The following PTPN4 variants were observed in gnomAD, a reference collection of about 807,000 sequenced individuals.
PTPN4 encodes protein tyrosine phosphatase non-receptor type 4.
PTPN4 carries 49 observed loss-of-function variants against 135.5 expected under a neutral mutation model. That is an observed-to-expected ratio of 0.36 (90% CI 0.29 to 0.46). The LOEUF (loss-of-function observed/expected upper bound fraction) is 0.46. Ranked by LOEUF, PTPN4 falls within the 20% of genes least tolerant of loss-of-function variation. The pLI is 1.00. For synonymous variants in PTPN4, 333 were observed against 369.9 expected, an observed-to-expected ratio of 0.90 and a Z score of 1.14; for missense variants, 860 against 1,101.0, an observed-to-expected ratio of 0.78 and a Z score of 3.10.
chr2:119,846,652 T>TTTAC (rs574255609), intron 2 of PTPN4, among the ~76,000 whole-genome samples: 7 of 152,048 alleles, frequency 4.6e-5, no homozygotes, highest in Non-Finnish European at 1.0e-4. Context: ...TTTGTACTAT[T>TTTAC]TTACTTTTTG....
intron 9 of PTPN4, among the ~76,000 whole-genome samples, chr2:119,890,022 G>A (rs1188246437): frequency 2.0e-5 from 3 of 152,136 alleles, no homozygotes; most frequent in South Asian, 2.1e-4. Flanking sequence ...GTAAGTGTCT[G>A]TTTGGTCCAT....
chr2:119,847,865 T>A (rs1422096310), intron 2 of PTPN4, among the ~76,000 whole-genome samples: 5 of 152,356 alleles, frequency 3.3e-5, no homozygotes, highest in African/African-American at 9.6e-5. Context: ...TTGGTTAGTG[T>A]TTTTGCCTCT....
chr2:119,896,789 G>A (rs375866673), intron 9 of PTPN4, among the ~76,000 whole-genome samples: 2 of 152,098 alleles, frequency 1.3e-5, no homozygotes, highest in African/African-American at 4.8e-5. Flanking sequence ...TATTTACCTG[G>A]TTTTCAAGGT....
chr2:119,900,694 T>C (rs1678388945), intron 9 of PTPN4, 24 bp from the exon 10 acceptor site: 1 of 1,383,422 alleles, frequency 7.2e-7, no homozygotes, highest in African/African-American at 1.5e-5. Context: ...AGATTTATCA[T>C]GTTTTTATTC....
chr2:119,795,266 GC>G (rs1293623434), intron 1 of PTPN4, among the ~76,000 whole-genome samples: 1 of 152,180 alleles, frequency 6.6e-6, no homozygotes, highest in Non-Finnish European at 1.5e-5. Flanking sequence ...CAGCAGCCCA[GC>G]CCCCAGGCTT....
At position 119,762,565 on chromosome 2, in the gene PTPN4, C is replaced by G. The variant is rs139717666; in HGVS notation, c.-18+2181C>G. On this transcript the variant is annotated intron_variant, in intron 1 of 26. Coordinates refer to ENST00000263708, the MANE Select transcript of PTPN4 (RefSeq NM_002830.4). ...AAAGTAAGAGACTAGCAGAAAATTG[C>G]AAGGAGGTTTGTTATTGAGAGTACT... Among the ~76,000 whole-genome samples the G allele has an allele frequency of 2.5e-3, 385 of 152,062 alleles. 2 individuals are homozygous for G. Among genetic ancestry groups the G allele is most frequent in the Middle Eastern group, 0.01 (3 of 294 alleles).
In PTPN4 at chr2:119,878,817, G is replaced by GGC. The variant is rs1322608458; in HGVS notation, c.368+1276_368+1277insCG. Among the ~76,000 whole-genome samples, 148 of 151,796 alleles carry GGC rather than the reference G, an allele frequency of 9.7e-4. 2 individuals carry two copies. Among genetic ancestry groups the GGC allele is most frequent in the African/African-American group, 3.4e-3 (139 of 41,414 alleles). Reference sequence around the variant, plus strand: ...CTCTTGAAAAACTAAGTTGTGGCCGGGTGCAGTGGCTCACGCCTGTAATCC... The same window carrying GGC: ...CTCTTGAAAAACTAAGTTGTGGCCGGGCGTGCAGTGGCTCACGCCTGTAATCC... On this transcript the variant is annotated intron_variant, in intron 5 of 26. Transcript: ENST00000263708.
rs181943283 is a variant in PTPN4, at chr2:119,801,762, G to T, written c.-17-8075G>T. Among the ~76,000 whole-genome samples, 385 of 152,220 alleles carry T rather than the reference G, an allele frequency of 2.5e-3. 1 individual carries two copies. The highest frequency in any genetic ancestry group is 9.0e-3 in the African/African-American group (376 of 41,554). ...TGTTGATGTATTGGGTGACCTCGCTGAACTTACTTATTAGTTCTAGGAGTG... is the reference window on the plus strand; with the variant it reads ...TGTTGATGTATTGGGTGACCTCGCTTAACTTACTTATTAGTTCTAGGAGTG... On this transcript the variant is annotated intron_variant, in intron 1 of 26. Coordinates refer to ENST00000263708, the MANE Select transcript of PTPN4 (RefSeq NM_002830.4).
At chr2:119,760,486 A>C in intron 1 of PTPN4, 102 bp downstream of exon 1, 1 of 388,922 alleles carries the variant, frequency 2.6e-6, no homozygotes, top group Non-Finnish European at 4.5e-6. Flanking sequence ...AGGTGGGGCA[A>C]GCCGGAGGTA....
chr2:119,914,756 T>C (rs1678626629), intron 10 of PTPN4, among the ~76,000 whole-genome samples: 1 of 152,150 alleles, frequency 6.6e-6, no homozygotes, highest in Non-Finnish European at 1.5e-5. Context: ...CTTATGGCAT[T>C]ATGTGGGTTG....
chr2:119,796,047 G>A (rs1172248645), intron 1 of PTPN4, among the ~76,000 whole-genome samples: 1 of 152,216 alleles, frequency 6.6e-6, no homozygotes, highest in Non-Finnish European at 1.5e-5. Flanking sequence ...GAGCATGATT[G>A]CCGAGGCTTC....
chr2:119,826,370 G>C lies in PTPN4; in HGVS notation c.138+16379G>C, dbSNP rs78001083. Among the ~76,000 whole-genome samples, 291 of 152,294 alleles carry C rather than the reference G, an allele frequency of 1.9e-3. 5 individuals carry two copies. In the East Asian group the frequency reaches 0.045, roughly 24 times the overall value. On this transcript the variant is annotated intron_variant, in intron 2 of 26. Transcript: ENST00000263708. The stretch of plus-strand genomic sequence containing the variant: ...TGAATGAGAAAATAATCTGTACAAG[G>C]ATAGTGTTTAGCAAGAGCTTTTGAG...
At chr2:119,899,265 C>CTA (rs1678369280) in intron 9 of PTPN4, among the ~76,000 whole-genome samples, 1 of 152,194 alleles carries the variant, frequency 6.6e-6, no homozygotes, top group African/African-American at 2.4e-5. Context: ...GATTATGGGA[C>CTA]TGTTCGGAGT....
In PTPN4 at chr2:119,948,601, G is replaced by A. The variant is rs563742638; in HGVS notation, c.1656+2027G>A. On this transcript the variant is annotated intron_variant, in intron 18 of 26. Coordinates refer to ENST00000263708, the MANE Select transcript of PTPN4 (RefSeq NM_002830.4). ...TAAAGTGGAAAAATAATCAAATGTG[G>A]ACTAGGGAACAAAGAAATACAAGGA... Among the ~76,000 whole-genome samples, 155 of 152,168 alleles carry A rather than the reference G, an allele frequency of 1.0e-3. 1 individual carries two copies. Among genetic ancestry groups the A allele is most frequent in the African/African-American group, 3.6e-3 (151 of 41,528 alleles).
At chr2:119,850,699 G>A (rs1274482978) in intron 2 of PTPN4, among the ~76,000 whole-genome samples, 1 of 152,134 alleles carries the variant, frequency 6.6e-6, no homozygotes, top group Non-Finnish European at 1.5e-5. Flanking sequence ...AATAAATGCT[G>A]TTTTCTTTGT....
chr2:119,766,887 T>C (rs1690640216), intron 1 of PTPN4, among the ~76,000 whole-genome samples: 2 of 152,164 alleles, frequency 1.3e-5, no homozygotes, highest in Non-Finnish European at 2.9e-5. Context: ...GGATTTCTTC[T>C]TTGGCAGCTT....
chr2:119,845,976 T>C (rs1677493013), intron 2 of PTPN4, among the ~76,000 whole-genome samples: 1 of 152,240 alleles, frequency 6.6e-6, no homozygotes, highest in Admixed American at 6.5e-5. Context: ...CTATTTAATA[T>C]CGACATATTT....
chr2:119,846,732 T>C (rs1177015497), intron 2 of PTPN4, among the ~76,000 whole-genome samples: 1 of 152,062 alleles, frequency 6.6e-6, no homozygotes, highest in Non-Finnish European at 1.5e-5. Context: ...TTGTGTAACA[T>C]TTCAATTCCT....
At chr2:119,837,002 C>T (rs939757190) in intron 2 of PTPN4, among the ~76,000 whole-genome samples, 3 of 152,196 alleles carry the variant, frequency 2.0e-5, no homozygotes, top group African/African-American at 7.2e-5. Flanking sequence ...AGCTGACAGG[C>T]TTCTGGGCGT....
Sources: gnomAD v4.1 joint callset for allele counts (sites outside exome capture counted in the v4.1 genomes callset) on GRCh38, gnomAD v4.1.1 for gene constraint, MANE v1.5 for transcripts, NCBI Gene and HGNC (gene_info 2026-07-23, HGNC 2026-07-21) for gene names.